Variants in AGBL1 observed in about 807,000 individuals in gnomAD.
The protein encoded by AGBL1 is AGBL carboxypeptidase 1.
In AGBL1, 130 loss-of-function variants were observed where a neutral mutation model predicts 118.9. The ratio of observed to expected loss-of-function variants is 1.09; its 90% CI spans 0.95 to 1.26. AGBL1 has a LOEUF of 1.26. Ranked by LOEUF, AGBL1 falls within the 50% of genes most tolerant of loss-of-function variation. The pLI is 0.00. For synonymous variants in AGBL1, 555 were observed against 478.9 expected, an observed-to-expected ratio of 1.16 and a Z score of -2.08; for missense variants, 1,584 against 1,298.1, an observed-to-expected ratio of 1.22 and a Z score of -3.38.
At chr15:86,457,865 A>G (rs998709579) in intron 18 of AGBL1, among the ~76,000 whole-genome samples, 3 of 152,012 alleles carry the variant, frequency 2.0e-5, no homozygotes, top group East Asian at 1.9e-4. Context: ...TTCCTCTAAG[A>G]CCTCTCTGGG....
intron 5 of AGBL1, among the ~76,000 whole-genome samples, chr15:86,212,869 C>T (rs943378627): frequency 1.3e-5 from 2 of 152,154 alleles, no homozygotes; most frequent in Admixed American, 6.5e-5. Flanking sequence ...AGGCTGGTTT[C>T]GAACTGTTGA....
intron 17 of AGBL1, among the ~76,000 whole-genome samples, chr15:86,390,381 C>T (rs2081258260): frequency 2.0e-5 from 3 of 152,010 alleles, no homozygotes. Flanking sequence ...AGAAATATGA[C>T]TAACAAACTT....
chr15:86,724,105 G>A (rs1231519094), intron 22 of AGBL1, among the ~76,000 whole-genome samples: 10 of 151,894 alleles, frequency 6.6e-5, no homozygotes, highest in African/African-American at 1.7e-4. Flanking sequence ...GTGCGGTGGC[G>A]GGCGCCTGTA....
chr15:86,670,220 C>T (rs2085716816), intron 21 of AGBL1, among the ~76,000 whole-genome samples: 1 of 152,074 alleles, frequency 6.6e-6, no homozygotes, highest in Non-Finnish European at 1.5e-5. Flanking sequence ...TATGGAGCCA[C>T]TGCCCTGAAG....
At chr15:86,090,546 C>T (rs1370435731) in intron 1 of AGBL1, among the ~76,000 whole-genome samples, 2 of 151,956 alleles carry the variant, frequency 1.3e-5, no homozygotes, top group African/African-American at 4.8e-5. Context: ...TTTTTCATGC[C>T]AAGACATATA....
intron 19 of AGBL1, among the ~76,000 whole-genome samples, chr15:86,531,855 A>G (rs1420595146): frequency 6.8e-6 from 1 of 147,038 alleles, no homozygotes; most frequent in East Asian, 2.0e-4. Flanking sequence ...GTCAAAGACA[A>G]AAACCACATG....
intron 22 of AGBL1, among the ~76,000 whole-genome samples, chr15:86,754,612 A>T (rs757731469): frequency 4.0e-5 from 6 of 151,830 alleles, no homozygotes; most frequent in Non-Finnish European, 7.4e-5. Context: ...GTGTATACCC[A>T]CCCCAAGTGA....
intron 18 of AGBL1, among the ~76,000 whole-genome samples, chr15:86,418,216 T>G (rs943286129): frequency 4.6e-5 from 7 of 152,218 alleles, no homozygotes; most frequent in Admixed American, 6.5e-5. Flanking sequence ...CCAAGGACAG[T>G]GTACTAGAAG....
intron 9 of AGBL1, 183 bp from the exon 10 acceptor site, chr15:86,262,595 T>C (rs536562765): frequency 3.0e-6 from 2 of 668,720 alleles, no homozygotes; most frequent in East Asian, 5.7e-5. Flanking sequence ...CTTTATCTTC[T>C]TTCTTTTTAT....
intron 22 of AGBL1, among the ~76,000 whole-genome samples, chr15:86,850,382 C>A (rs755649378): frequency 6.6e-6 from 1 of 152,206 alleles, no homozygotes; most frequent in Admixed American, 6.5e-5. Context: ...CTTATCTCTG[C>A]TCCTGCCCCC....
chr15:86,497,257 G>A (rs1368318264), intron 18 of AGBL1, among the ~76,000 whole-genome samples: 2 of 151,832 alleles, frequency 1.3e-5, no homozygotes, highest in Non-Finnish European at 2.9e-5. Flanking sequence ...ACATCCTTTA[G>A]TAGTTCTTTA....
intron 23 of AGBL1, among the ~76,000 whole-genome samples, chr15:86,961,802 A>G (rs748806265): frequency 7.9e-5 from 12 of 152,068 alleles, no homozygotes; most frequent in Non-Finnish European, 1.5e-4. Flanking sequence ...CATCTGCCAT[A>G]CAGGGCCATT....
At chr15:86,423,001 C>A (rs1389496093) in intron 18 of AGBL1, among the ~76,000 whole-genome samples, 1 of 152,166 alleles carries the variant, frequency 6.6e-6, no homozygotes, top group Non-Finnish European at 1.5e-5. Flanking sequence ...CGAATTCTAC[C>A]AGAGACACAA....
rs1410855813 is a variant in AGBL1, at chr15:86,286,727, T to TTG, written c.2220+6952_2220+6953dup. Among the ~76,000 whole-genome samples the TTG allele has an allele frequency of 2.8e-3, 228 of 80,324 alleles. 1 individual carries two copies. The highest frequency in any genetic ancestry group is 0.015 in the Middle Eastern group (2 of 130). 52.7% of individuals were successfully genotyped at this position (80,324 alleles called of 152,430 possible). A position where few individuals can be genotyped will look rare whatever the true frequency, so the allele number is the denominator to read the frequency against. ...TGTGTATATATATGTGTGTGTGTGT[T>TTG]TGTGTGTGTATATATATATATAAAA... is the stretch of plus-strand genomic sequence containing the variant. On this transcript the variant is annotated intron_variant, in intron 16 of 22. Coordinates refer to ENST00000614907, the MANE Select transcript of AGBL1 (RefSeq NM_001386094.1).
At chr15:86,713,909 G>T (rs2123259) in intron 22 of AGBL1, among the ~76,000 whole-genome samples, 59,464 of 151,974 alleles carry the variant, frequency 0.39, 12,687 homozygotes, top group Non-Finnish European at 0.48. Context: ...AGTTGAGCAT[G>T]CGGCTGTTAG....
At chr15:86,750,320 T>C (rs1035142321) in intron 22 of AGBL1, among the ~76,000 whole-genome samples, 2 of 152,094 alleles carry the variant, frequency 1.3e-5, no homozygotes, top group African/African-American at 4.8e-5. Context: ...GGGGTACAGA[T>C]TGGTATTTCA....
At chr15:86,617,093 C>G (rs2084738944) in intron 21 of AGBL1, among the ~76,000 whole-genome samples, 1 of 152,154 alleles carries the variant, frequency 6.6e-6, no homozygotes, top group South Asian at 2.1e-4. Flanking sequence ...CCTCAAGTCC[C>G]TTCTTAGCCT....
At chr15:86,877,681 A>G (rs1393982514) in intron 22 of AGBL1, among the ~76,000 whole-genome samples, 2 of 152,200 alleles carry the variant, frequency 1.3e-5, no homozygotes, top group Admixed American at 6.5e-5. Flanking sequence ...AGATTTATCT[A>G]TATCTTGTAA....
intron 21 of AGBL1, among the ~76,000 whole-genome samples, chr15:86,614,659 A>G (rs1596310610): frequency 6.6e-6 from 1 of 152,308 alleles, no homozygotes; most frequent in African/African-American, 2.4e-5. Flanking sequence ...AATGTGCACA[A>G]TTGACTCTTG....
Sources: allele counts gnomAD v4.1 joint callset (sites outside exome capture counted in the v4.1 genomes callset), GRCh38; gene constraint gnomAD v4.1.1; transcripts MANE v1.5; gene names NCBI Gene and HGNC (gene_info 2026-07-23, HGNC 2026-07-21).